The following ESPN variants were observed in gnomAD, a reference collection of about 807,000 sequenced individuals.
ESPN encodes the protein autosomal recessive deafness type 36 protein.
A neutral mutation model predicts 77.7 loss-of-function variants in ESPN; 68 were observed. The observed-to-expected ratio is 0.87, with a 90% confidence interval of 0.72 to 1.07. The LOEUF is 1.07. Ranked by LOEUF, ESPN falls within the 50% of genes least tolerant of loss-of-function variation. The pLI is 0.00. For synonymous variants in ESPN, 449 were observed against 567.1 expected (o/e 0.79, Z 2.96); for missense variants, 1,060 against 1,239.0 (o/e 0.86, Z 2.17).
rs1643871458 is a variant in ESPN at position 6,447,438 on chromosome 1, C to T, written c.1465-1203C>T. On this transcript the variant is annotated intron_variant, in intron 7 of 12. Coordinates refer to ENST00000645284, the MANE Select transcript of ESPN (RefSeq NM_031475.3). This position sits in a 1 kb window ranked among gnomAD's most constrained non-coding sequence, Gnocchi z 5.2. Reference sequence around the variant, plus strand: ...CCAGAAAACAAATCCTGCGGTGTCGCATTTCCTGCAACGTGAGCCAGGTCG... The same window carrying T: ...CCAGAAAACAAATCCTGCGGTGTCGTATTTCCTGCAACGTGAGCCAGGTCG... The T allele has an allele frequency of 6.6e-6, 1 of 152,460 alleles. No homozygotes were observed. The highest frequency in any genetic ancestry group is 1.5e-5 in the Non-Finnish European group (1 of 68,244). 9.4% of individuals were successfully genotyped at this position (152,460 alleles called of 1,614,324 possible). A position where few individuals can be genotyped will look rare whatever the true frequency, so the allele number is the denominator to read the frequency against.
Position 6,454,012 on chromosome 1 carries a change from A to G in ESPN, c.2325+1916A>G, listed in dbSNP as rs1644001094. Among the ~76,000 whole-genome samples, 7 of 152,254 alleles carry G rather than the reference A, an allele frequency of 4.6e-5. 1 individual carries two copies. In the South Asian group the frequency reaches 1.5e-3, roughly 32 times the overall value. Reference sequence around the variant, plus strand: ...GGCTTGGGCCACAGGGGAGCTGGAGAAGGGGTCATGAGTCTGGGAGGAGAG... The same window carrying G: ...GGCTTGGGCCACAGGGGAGCTGGAGGAGGGGTCATGAGTCTGGGAGGAGAG... On this transcript the variant is annotated intron_variant, in intron 10 of 12. Coordinates refer to ENST00000645284, the MANE Select transcript of ESPN (RefSeq NM_031475.3).
Position 6,450,769 on chromosome 1 carries a change from T to C in ESPN, c.1916-834T>C, listed in dbSNP as rs1643930498. Among the ~76,000 whole-genome samples the C allele has an allele frequency of 6.7e-6, 1 of 148,650 alleles. No individual in the cohort carries two copies. Among genetic ancestry groups the C allele is most frequent in the Admixed American group, 6.6e-5 (1 of 15,094 alleles). On this transcript the variant is annotated intron_variant, in intron 8 of 12. Coordinates refer to ENST00000645284, the MANE Select transcript of ESPN (RefSeq NM_031475.3). This position sits in a 1 kb window ranked among gnomAD's most constrained non-coding sequence, Gnocchi z 4.3. ...ACCACCCCCACCCGCTGTGACTGCA[T>C]TCTGGGATCCCCAGCCTGGGAATCC...
chr1:6,440,812 A>T lies in ESPN; in HGVS notation c.858+4A>T. The stretch of plus-strand genomic sequence containing the variant: ...CGCCGAGAACGGGGAGCTAGAGGTC[A>T]GCGCGGGCCCGGGGTGGGGGCGCGC... On this transcript the variant is annotated splice_donor_region_variant and intron_variant, in intron 4 of 12. Coordinates refer to ENST00000645284, the MANE Select transcript of ESPN (RefSeq NM_031475.3). The T allele has an allele frequency of 6.7e-7, 1 of 1,482,514 alleles. No homozygotes were observed. Among genetic ancestry groups the T allele is most frequent in the South Asian group, 1.3e-5 (1 of 77,518 alleles). 91.8% of individuals were successfully genotyped at this position (1,482,514 alleles called of 1,614,324 possible).
intron 8 of ESPN, among the ~76,000 whole-genome samples, chr1:6,449,976 C>T (rs1159804709): frequency 1.3e-5 from 2 of 152,168 alleles, no homozygotes; most frequent in Non-Finnish European, 2.9e-5. Flanking sequence ...GAGCTAGTCC[C>T]CCTACGGTTC....
Position 6,447,114 on chromosome 1 carries a change from G to C in ESPN, c.1464+1179G>C, listed in dbSNP as rs1253260090. ...ACCGTTGAGCCCAAGTGCCAGGTCTGCGTGGTCCCCTCCTGGCTGTGTGAG... is the reference window on the plus strand; with the variant it reads ...ACCGTTGAGCCCAAGTGCCAGGTCTCCGTGGTCCCCTCCTGGCTGTGTGAG... On this transcript the variant is annotated intron_variant, in intron 7 of 12. Coordinates refer to ENST00000645284, the MANE Select transcript of ESPN (RefSeq NM_031475.3). This position sits in a 1 kb window ranked among gnomAD's most constrained non-coding sequence, Gnocchi z 5.2. 1 of 153,172 alleles carries C rather than the reference G, an allele frequency of 6.5e-6. No homozygotes were observed. Among genetic ancestry groups the C allele is most frequent in the Non-Finnish European group, 1.5e-5 (1 of 68,714 alleles). 9.5% of individuals were successfully genotyped at this position (153,172 alleles called of 1,614,324 possible).
chr1:6,431,718 C>T (rs1225636225), intron 2 of ESPN, among the ~76,000 whole-genome samples: 1 of 151,180 alleles, frequency 6.6e-6, no homozygotes, highest in Non-Finnish European at 1.5e-5. Context: ...GAACCTGGTG[C>T]TGAGTATCTT....
Position 6,460,350 on chromosome 1 carries a change from A to G in ESPN, c.*204A>G. ...CACACGCCGCCACGGTTGCCCAGAA[A>G]AAGTGCCCAAGCTGCTGACGCAAAC... On this transcript the variant is annotated 3_prime_UTR_variant, in exon 13 of 13. Coordinates refer to ENST00000645284, the MANE Select transcript of ESPN (RefSeq NM_031475.3). 1 of 619,350 alleles carries G rather than the reference A, an allele frequency of 1.6e-6. No individual in the cohort carries two copies. Among genetic ancestry groups the G allele is most frequent in the East Asian group, 2.8e-5 (1 of 35,360 alleles). The allele number at this position is 619,350 out of a possible 1,614,324, so 38.4% of individuals were successfully genotyped here.
At position 6,451,478 on chromosome 1, in the gene ESPN, C is replaced by A; in HGVS notation, c.1916-125C>A. The A allele has an allele frequency of 7.4e-7, 1 of 1,359,298 alleles. No homozygotes were observed. Among genetic ancestry groups the A allele is most frequent in the Non-Finnish European group, 1.0e-6 (1 of 976,078 alleles). 84.2% of individuals were successfully genotyped at this position (1,359,298 alleles called of 1,614,324 possible). A position where few individuals can be genotyped will look rare whatever the true frequency, so the allele number is the denominator to read the frequency against. ...AGGACCTGGGATCTGGAGAGCTGCC[C>A]GCTGGCCCGGAGGATGGGCACCCAT... On this transcript the variant is annotated intron_variant, in intron 8 of 12. Coordinates refer to ENST00000645284, the MANE Select transcript of ESPN (RefSeq NM_031475.3). This position sits in a 1 kb window ranked among gnomAD's most constrained non-coding sequence, Gnocchi z 4.3.
chr1:6,440,531 G>T, intron 3 of ESPN, 91 bp downstream of exon 3: 1 of 928,962 alleles, frequency 1.1e-6, no homozygotes, highest in Non-Finnish European at 1.4e-6. Context: ...GGGGTGGGGC[G>T]GGGGGGCGGG....
At chr1:6,426,417 G>C (rs773359683) in intron 1 of ESPN, among the ~76,000 whole-genome samples, 2 of 151,728 alleles carry the variant, frequency 1.3e-5, no homozygotes, top group Non-Finnish European at 1.5e-5. Context: ...AGAAGCAGGT[G>C]GCCTTGGGCC....
chr1:6,458,082 C>T (rs146011295), intron 12 of ESPN, among the ~76,000 whole-genome samples: 249 of 151,174 alleles, frequency 1.6e-3, no homozygotes, highest in African/African-American at 5.5e-3. Context: ...AGTGCAGTGG[C>T]GATCTGGGCT....
At chr1:6,457,785 CTGTTT>C (rs113296100) in intron 12 of ESPN, among the ~76,000 whole-genome samples, 8 of 152,288 alleles carry the variant, frequency 5.3e-5, no homozygotes, top group African/African-American at 1.9e-4. Flanking sequence ...CATTTTAGTA[CTGTTT>C]TATTTGGCAC....
At chr1:6,449,193 C>T in intron 8 of ESPN, 102 bp downstream of exon 8, 1 of 1,196,146 alleles carries the variant, frequency 8.4e-7, no homozygotes, top group Non-Finnish European at 1.1e-6. Flanking sequence ...CCGGGTCCTT[C>T]CTCTTCTACA....
intron 12 of ESPN, among the ~76,000 whole-genome samples, chr1:6,458,863 G>A (rs1322227129): frequency 7.3e-5 from 11 of 151,326 alleles, no homozygotes; most frequent in Non-Finnish European, 1.6e-4. Flanking sequence ...TCTGGAAGGC[G>A]GAGGTTGCAG....
intron 10 of ESPN, chr1:6,456,277 C>G: frequency 2.6e-6 from 1 of 390,340 alleles, no homozygotes; most frequent in East Asian, 3.7e-5. Flanking sequence ...CCTCCAGAGG[C>G]TGGAAGCAGC....
At chr1:6,461,332 A>G, downstream of ESPN, 2 of 1,390,144 alleles carry the variant, frequency 1.4e-6, no homozygotes. This position sits in a 1 kb window ranked among gnomAD's most constrained non-coding sequence, Gnocchi z 6.3. Flanking sequence ...GGGCCGTGCC[A>G]GCGGCTTAAT....
At chr1:6,445,523 G>A (rs1170606936) in intron 6 of ESPN, 141 bp from the exon 7 acceptor site, 9 of 920,316 alleles carry the variant, frequency 9.8e-6, no homozygotes, top group Admixed American at 8.0e-5. Context: ...GCACCGCCAG[G>A]GGCCACAGCA....
intron 2 of ESPN, among the ~76,000 whole-genome samples, chr1:6,433,880 A>T (rs1643339814): frequency 6.6e-6 from 1 of 151,854 alleles, no homozygotes; most frequent in Non-Finnish European, 1.5e-5. Context: ...CATGATGCCC[A>T]CTCACTCTCC....
Position 6,428,409 on chromosome 1 carries a change from C to G in ESPN, c.478C>G (p.His160Asp), listed in dbSNP as rs1553166058. 6.2e-7 allele frequency: 1 copy of G among 1,611,284 alleles called. No individual in the cohort carries two copies. The highest frequency in any genetic ancestry group is 1.7e-5 in the Admixed American group (1 of 59,948). ...CCCCTCCCTGAGGCTTCTCGTCGAG[C>G]ACTACCCTGAGTAAGATCACCCCTC... is the stretch of plus-strand genomic sequence containing the variant. ...DFPSLRLLVE[H>D]YPEGVNAQTK... Residue 160 changes from histidine (H) to aspartate (D), a missense_variant, in exon 2 of 13, where the codon CAC becomes GAC. Physicochemically the swap from His to Asp is moderately conservative, Grantham distance 81 (BLOSUM62 -1). Transcript: ENST00000645284. This position sits in a 1 kb window ranked among gnomAD's most constrained non-coding sequence, Gnocchi z 5.4.
Sources: allele counts gnomAD v4.1 joint callset (sites outside exome capture counted in the v4.1 genomes callset), GRCh38; gene constraint gnomAD v4.1.1; non-coding constraint Gnocchi (gnomAD v3.1); transcripts MANE v1.5; gene names NCBI Gene and HGNC (gene_info 2026-07-23, HGNC 2026-07-21).